The following SYNE2 variants were observed in gnomAD, a reference collection of about 807,000 sequenced individuals.
SYNE2 encodes the protein spectrin repeat containing nuclear envelope protein 2.
A neutral mutation model predicts 856.3 loss-of-function variants in SYNE2; 431 were observed. The ratio of observed to expected loss-of-function variants is 0.50; its 90% CI spans 0.47 to 0.55. The LOEUF is 0.55. Among genes scored for constraint, SYNE2 ranks in the 20% least tolerant of loss-of-function variants. The probability of loss-of-function intolerance (pLI) is 0.00; values close to 1 mark genes in which losing one functional copy is unlikely to be tolerated. For missense variants in SYNE2, 8,129 were observed against 8,023.2 expected, an observed-to-expected ratio of 1.01 and a Z score of -0.50; for synonymous variants, 2,923 against 2,872.3, an observed-to-expected ratio of 1.02 and a Z score of -0.56.
chr14:64,023,699 C>T (rs968333451), intron 38 of SYNE2: 1 of 180,360 alleles, frequency 5.5e-6, no homozygotes, highest in Admixed American at 5.4e-5. Flanking sequence ...GGTAGACTAT[C>T]TATTACTTTA....
intron 1 of SYNE2, among the ~76,000 whole-genome samples, chr14:63,806,129 C>T (rs148359121): frequency 6.6e-6 from 1 of 152,170 alleles, no homozygotes; most frequent in Non-Finnish European, 1.5e-5. Context: ...TCATAGATGG[C>T]TCTTATTATT....
At position 63,998,988 on chromosome 14, in the gene SYNE2, G is replaced by C. The variant is rs768012394; in HGVS notation, c.3428G>C (p.Ser1143Thr). ...TTCAGGATTACTTCTGATTTCTCTA[G>C]TGAAGAGGACAGGAGTAGTTCTTGT... ...NKFRITSDFS[S>T]EEDRSSSCLQ... Residue 1143 changes from serine to threonine, a missense_variant, in exon 27 of 116, where the codon AGT becomes ACT. Around this residue, in one of 3 missense-constraint regions of SYNE2, gnomAD observed 2,422 missense variants for 2,357.4 expected, o/e 1.03. Coordinates refer to ENST00000555002, the MANE Select transcript of SYNE2 (RefSeq NM_182914.3). 2 of 1,613,938 alleles carry C rather than the reference G, an allele frequency of 1.2e-6. No homozygotes were observed. Among genetic ancestry groups the C allele is most frequent in the Non-Finnish European group, 8.5e-7 (1 of 1,179,822 alleles).
intron 63 of SYNE2, chr14:64,099,158 T>G: frequency 3.1e-6 from 1 of 320,232 alleles, no homozygotes; most frequent in South Asian, 3.1e-5. Context: ...AGAACTGTAT[T>G]TTTCCGCATT....
At chr14:64,213,876 C>T (rs1363987669) in intron 105 of SYNE2, among the ~76,000 whole-genome samples, 1 of 152,176 alleles carries the variant, frequency 6.6e-6, no homozygotes, top group Non-Finnish European at 1.5e-5. Context: ...CTGCCATTAA[C>T]CATCAATGAA....
intron 1 of SYNE2, among the ~76,000 whole-genome samples, chr14:63,877,449 T>G (rs1405756485): frequency 1.3e-5 from 2 of 152,202 alleles, no homozygotes; most frequent in African/African-American, 4.8e-5. Context: ...AGCAGTTCCA[T>G]TTTTCCTGCT....
At chr14:64,190,877 C>A in intron 99 of SYNE2, 1 of 693,034 alleles carries the variant, frequency 1.4e-6, no homozygotes, top group Non-Finnish European at 2.7e-6. Context: ...GATGATGATG[C>A]CCAAAATTTT....
chr14:63,869,929 A>G (rs559845318), intron 1 of SYNE2, among the ~76,000 whole-genome samples: 14 of 152,070 alleles, frequency 9.2e-5, no homozygotes, highest in Non-Finnish European at 1.9e-4. Flanking sequence ...TCTGTCTTCT[A>G]TCTCCTTTTA....
chr14:64,224,775 C>T (rs1231842584), intron 114 of SYNE2, among the ~76,000 whole-genome samples: 1 of 152,118 alleles, frequency 6.6e-6, no homozygotes, highest in African/African-American at 2.4e-5. Flanking sequence ...CTGATTTTGC[C>T]ATTAAAAACT....
intron 99 of SYNE2, among the ~76,000 whole-genome samples, chr14:64,192,736 C>T (rs1161385462): frequency 1.3e-5 from 2 of 152,188 alleles, no homozygotes; most frequent in Non-Finnish European, 2.9e-5. Context: ...CCCACAGTTA[C>T]ATAGCCAGCA....
chr14:64,171,095 T>TA (rs980842267), intron 94 of SYNE2, among the ~76,000 whole-genome samples: 2 of 151,782 alleles, frequency 1.3e-5, no homozygotes, highest in Non-Finnish European at 1.5e-5. Flanking sequence ...AAAACTGATT[T>TA]AAAAAAAATA....
intron 28 of SYNE2, among the ~76,000 whole-genome samples, chr14:64,001,230 A>C (rs1194736580): frequency 1.3e-5 from 2 of 152,200 alleles, no homozygotes; most frequent in Non-Finnish European, 2.9e-5. Context: ...TTATATTTGT[A>C]ATATGGAAAT....
intron 6 of SYNE2, among the ~76,000 whole-genome samples, chr14:63,947,364 T>C (rs2153425982): frequency 1.3e-5 from 2 of 152,306 alleles, no homozygotes; most frequent in Middle Eastern, 6.8e-3. Flanking sequence ...TGAATTTAAA[T>C]CTCACATGTG....
chr14:64,110,719 T>C (rs1407306925), intron 65 of SYNE2, among the ~76,000 whole-genome samples: 2 of 151,518 alleles, frequency 1.3e-5, no homozygotes, highest in Non-Finnish European at 2.9e-5. Flanking sequence ...AAGGGAACTC[T>C]GAATTAAAAG....
intron 29 of SYNE2, 45 bp downstream of exon 29, chr14:64,002,126 CTT>C (rs773665608): frequency 4.2e-6 from 6 of 1,445,644 alleles, no homozygotes; most frequent in Non-Finnish European, 5.8e-6. Context: ...ATAATCGAGT[CTT>C]TTGAGATTTA....
chr14:64,031,013 T>C lies in SYNE2; in HGVS notation c.6880-3T>C, dbSNP rs761722814. ...GATATAACAATCTTTTCTCCACTCG[T>C]AGGAACTAGAGAATAGACTCAGTTT... On this transcript the variant is annotated splice_polypyrimidine_tract_variant and splice_region_variant and intron_variant, in intron 44 of 115. Coordinates refer to ENST00000555002, the MANE Select transcript of SYNE2 (RefSeq NM_182914.3). 3 of 1,610,236 alleles carry C rather than the reference T, an allele frequency of 1.9e-6. No homozygotes were observed. Among genetic ancestry groups the C allele is most frequent in the East Asian group, 4.5e-5 (2 of 44,864 alleles).
chr14:64,060,781 C>T (rs943397141), intron 49 of SYNE2, among the ~76,000 whole-genome samples: 4 of 152,150 alleles, frequency 2.6e-5, no homozygotes, highest in African/African-American at 9.7e-5. Context: ...CCCCAGAGTA[C>T]TTTAGCCCAA....
In SYNE2 at chr14:63,807,865, A is replaced by ATATATATATT. The variant is rs1267385896; in HGVS notation, c.-304-44636_-304-44635insTATATATATT. Among the ~76,000 whole-genome samples, 22 of 97,386 alleles carry ATATATATATT rather than the reference A, an allele frequency of 2.3e-4. 1 individual carries two copies. The highest frequency in any genetic ancestry group is 7.8e-4 in the African/African-American group (21 of 26,944). The allele number at this position is 97,386 out of a possible 152,430, so 63.9% of individuals were successfully genotyped here. A position where few individuals can be genotyped will look rare whatever the true frequency, so the allele number is the denominator to read the frequency against. On this transcript the variant is annotated intron_variant, in intron 1 of 23. Coordinates refer to the SYNE2 transcript ENST00000674003. Reference sequence around the variant, plus strand: ...TATATATATATATATATATATATATAATTTCAATAGTTTTTGGGAACAAGT... The same window carrying ATATATATATT: ...TATATATATATATATATATATATATATATATATATTATTTCAATAGTTTTTGGGAACAAGT...
At position 64,102,055 on chromosome 14, in the gene SYNE2, G is replaced by T; in HGVS notation, c.12492+13G>T. ...AACAATTGTTCAGGTAATGCTGGGC[G>T]TATCAGCCACGCTTAGGGGTTACGA... is the stretch of plus-strand genomic sequence containing the variant. On this transcript the variant is annotated intron_variant, in intron 64 of 115. Transcript: ENST00000555002. 1 of 1,587,496 alleles carries T rather than the reference G, an allele frequency of 6.3e-7. No individual in the cohort carries two copies. Among genetic ancestry groups the T allele is most frequent in the Non-Finnish European group, 8.7e-7 (1 of 1,155,890 alleles).
Position 63,997,023 on chromosome 14 carries a change from T to G in SYNE2, c.3017T>G (p.Leu1006Arg). The change falls in exon 24 of 116, where the codon CTG (leucine) becomes CGG (arginine). Residue 1006 changes from leucine (L) to arginine (R), a missense_variant. Physicochemically the swap from Leu to Arg is moderately radical, Grantham distance 102 (BLOSUM62 -2). Transcript: ENST00000555002. ...MEVLRELCEE[L>R]PSQKSQQEVK... ...GTCCTGAGGGAGCTGTGTGAAGAGC[T>G]GCCTTCACAGAAGAGTCAACAAGAA... The G allele has an allele frequency of 6.2e-7, 1 of 1,614,082 alleles. No individual in the cohort carries two copies. The highest frequency in any genetic ancestry group is 8.5e-7 in the Non-Finnish European group (1 of 1,179,976).
Sources: gnomAD v4.1 joint callset for allele counts (sites outside exome capture counted in the v4.1 genomes callset) on GRCh38, gnomAD v4.1.1 for gene constraint, gnomAD v4.1.1 regional missense constraint, MANE v1.5 for transcripts, NCBI Gene and HGNC (gene_info 2026-07-23, HGNC 2026-07-21) for gene names.